The following NCALD variants were observed in gnomAD, a reference collection of about 807,000 sequenced individuals.
The protein encoded by NCALD is neurocalcin-delta.
Under a neutral mutation model 18.6 loss-of-function variants are expected in NCALD, and 10 were observed. The observed-to-expected ratio is 0.54, with a 90% CI of 0.33 to 0.91. The LOEUF (loss-of-function observed/expected upper bound fraction) is 0.91. NCALD is among the 40% of genes least tolerant of loss of function. The pLI is 0.03. For missense variants in NCALD, 184 were observed against 247.6 expected (o/e 0.74, Z 1.72); for synonymous variants, 88 against 87.4 (o/e 1.01, Z -0.04).
chr8:101,879,127 G>T (rs1458080559), intron 4 of NCALD, among the ~76,000 whole-genome samples: 1 of 152,238 alleles, frequency 6.6e-6, no homozygotes, highest in Non-Finnish European at 1.5e-5. Context: ...ATGGTTTGGA[G>T]ACTGCCAAAC....
chr8:101,733,592 G>T (rs763196352), intron 1 of NCALD, among the ~76,000 whole-genome samples: 3 of 152,216 alleles, frequency 2.0e-5, no homozygotes, highest in Non-Finnish European at 4.4e-5. Context: ...ATCTGAATGA[G>T]ATAAAGGTTC....
chr8:101,736,626 G>C (rs891525345), intron 1 of NCALD, among the ~76,000 whole-genome samples: 1 of 152,108 alleles, frequency 6.6e-6, no homozygotes, highest in African/African-American at 2.4e-5. Context: ...GATACCCCGT[G>C]GTGAGTGGAA....
At chr8:101,719,766 G>T in intron 1 of NCALD, 118 bp from the exon 2 acceptor site, 1 of 921,912 alleles carries the variant, frequency 1.1e-6, no homozygotes, top group Non-Finnish European at 1.6e-6. Flanking sequence ...CTCTATACGA[G>T]TCCAGTAACA....
At chr8:101,916,863 A>G (rs1207087983) in intron 2 of NCALD, among the ~76,000 whole-genome samples, 1 of 152,068 alleles carries the variant, frequency 6.6e-6, no homozygotes, top group Non-Finnish European at 1.5e-5. Context: ...TAAAACAAGT[A>G]CTTCTAGACC....
At chr8:101,763,378 G>A (rs1011023833) in intron 1 of NCALD, among the ~76,000 whole-genome samples, 10 of 152,156 alleles carry the variant, frequency 6.6e-5, no homozygotes, top group African/African-American at 2.2e-4. Flanking sequence ...ACTGAGATAT[G>A]AAAGGAGGAA....
chr8:101,895,001 T>A (rs1215840174), intron 3 of NCALD, among the ~76,000 whole-genome samples: 1 of 150,642 alleles, frequency 6.6e-6, no homozygotes. Flanking sequence ...GAATCCTCCC[T>A]AACTCATTTT....
intron 4 of NCALD, among the ~76,000 whole-genome samples, chr8:101,842,324 A>T (rs1814677592): frequency 1.4e-5 from 2 of 141,428 alleles, no homozygotes; most frequent in African/African-American, 5.9e-5. Flanking sequence ...CATACCAAGG[A>T]GAGAAGGAAA....
intron 1 of NCALD, among the ~76,000 whole-genome samples, chr8:101,737,234 C>A (rs1809963396): frequency 6.6e-6 from 1 of 152,058 alleles, no homozygotes; most frequent in African/African-American, 2.4e-5. Context: ...CTGGCATGCA[C>A]CACCACACCT....
At chr8:102,078,328 G>C (rs1000934072) in intron 1 of NCALD, among the ~76,000 whole-genome samples, 6 of 152,090 alleles carry the variant, frequency 3.9e-5, no homozygotes, top group African/African-American at 1.4e-4. Context: ...TCAGCTACCT[G>C]GTCTCTTTGT....
At chr8:101,968,622 C>T (rs765077882) in intron 2 of NCALD, among the ~76,000 whole-genome samples, 1 of 152,114 alleles carries the variant, frequency 6.6e-6, no homozygotes, top group Non-Finnish European at 1.5e-5. Context: ...AATGCCTGCA[C>T]TGTTATGGCC....
In NCALD at chr8:102,081,570, A is replaced by C. The variant is rs1336474514; in HGVS notation, c.-210+42667T>G. On this transcript the variant is annotated intron_variant, in intron 1 of 6. Transcript: ENST00000311028. ...TAAAAAAAAAAAAAAAAAAAAAAAA[A>C]AAAAAACCCCAAAAAAAACTGGCTT... is the stretch of plus-strand genomic sequence containing the variant. Among the ~76,000 whole-genome samples the C allele has an allele frequency of 2.7e-3, 289 of 105,144 alleles. 5 individuals are homozygous for C. Among genetic ancestry groups the C allele is most frequent in the Non-Finnish European group, 4.1e-3 (211 of 50,922 alleles). The allele number at this position is 105,144 out of a possible 152,430, so 69.0% of individuals were successfully genotyped here. A position where few individuals can be genotyped will look rare whatever the true frequency, so the allele number is the denominator to read the frequency against.
intron 1 of NCALD, among the ~76,000 whole-genome samples, chr8:102,022,296 T>C (rs1221598502): frequency 6.6e-6 from 1 of 152,130 alleles, no homozygotes; most frequent in Non-Finnish European, 1.5e-5. Flanking sequence ...AACTGAATAA[T>C]CCAGTATTCT....
Position 101,689,358 on chromosome 8 carries a change from G to C in NCALD, c.533C>G (p.Ser178Cys), listed in dbSNP as rs1449607051. ...EFIRGAKSDPSIVRLLQCDPS... is the reference protein window; with the variant it reads ...EFIRGAKSDPCIVRLLQCDPS... ...GTCGCACTGCAGGAGGCGCACAATG[G>C]ACGGGTCGCTTTTGGCTCCTCGGAT... The change falls in exon 4 of 4, where the codon TCC becomes TGC. Residue 178 changes from serine (S) to cysteine (C), a missense_variant. Coordinates refer to ENST00000220931, the MANE Select transcript of NCALD (RefSeq NM_032041.3). This position sits in a 1 kb window ranked among gnomAD's most constrained non-coding sequence, Gnocchi z 4.4. 2.5e-6 allele frequency: 4 copies of C among 1,613,236 alleles called. No individual in the cohort carries two copies. The Admixed American group carries it at 6.7e-5, about 27-fold the overall frequency.
intron 3 of NCALD, among the ~76,000 whole-genome samples, chr8:101,898,460 C>T (rs1011182029): frequency 2.0e-5 from 3 of 152,064 alleles, no homozygotes; most frequent in African/African-American, 7.2e-5. Context: ...TAGTCTATAG[C>T]TTCTTTTCAT....
At chr8:102,004,734 C>T (rs1821628787) in intron 2 of NCALD, among the ~76,000 whole-genome samples, 1 of 152,070 alleles carries the variant, frequency 6.6e-6, no homozygotes, top group Non-Finnish European at 1.5e-5. Flanking sequence ...CACATATCTA[C>T]AACTATCTGA....
At chr8:101,830,277 T>G (rs1353430783) in intron 4 of NCALD, among the ~76,000 whole-genome samples, 1 of 152,188 alleles carries the variant, frequency 6.6e-6, no homozygotes, top group Non-Finnish European at 1.5e-5. Flanking sequence ...GAAAATGTTT[T>G]GGGCCAGGCA....
At chr8:101,714,717 C>CATCATGCTACCTGACTT (rs1554611560) in intron 2 of NCALD, among the ~76,000 whole-genome samples, 17 of 151,652 alleles carry the variant, frequency 1.1e-4, no homozygotes, top group African/African-American at 4.1e-4. Context: ...AAGCTGGGGG[C>CATCATGCTACCTGACTT]CGGGCACGGT....
rs1232463875 is a variant in NCALD, at chr8:101,692,732, C to A, written c.484+59G>T. On this transcript the variant is annotated intron_variant, in intron 3 of 3. Coordinates refer to ENST00000220931, the MANE Select transcript of NCALD (RefSeq NM_032041.3). ...CTCGAGTGGCACTTCCCAGTCTGGA[C>A]TCTCCAGTCCTTCCAGCAGCCCCCA... 3.3e-6 allele frequency: 5 copies of A among 1,518,730 alleles called. No homozygotes were observed. The African/African-American group carries it at 4.1e-5, about 13-fold the overall frequency. 94.1% of individuals were successfully genotyped at this position (1,518,730 alleles called of 1,614,324 possible). A position where few individuals can be genotyped will look rare whatever the true frequency, so the allele number is the denominator to read the frequency against.
chr8:102,079,165 C>A (rs1017352887), intron 1 of NCALD, among the ~76,000 whole-genome samples: 1 of 152,204 alleles, frequency 6.6e-6, no homozygotes, highest in African/African-American at 2.4e-5. Flanking sequence ...TCGCTGTGTC[C>A]TTTCCATGAA....
Sources: allele counts gnomAD v4.1 joint callset (sites outside exome capture counted in the v4.1 genomes callset), GRCh38; gene constraint gnomAD v4.1.1; non-coding constraint Gnocchi (gnomAD v3.1); transcripts MANE v1.5; gene names NCBI Gene and HGNC (gene_info 2026-07-23, HGNC 2026-07-21).